The following ANKS1B variants were observed in gnomAD, a reference collection of about 807,000 sequenced individuals.
The protein encoded by ANKS1B is ankyrin repeat and sterile alpha motif domain containing 1B.
A neutral mutation model predicts 148.3 loss-of-function variants in ANKS1B; 36 were observed. The observed-to-expected ratio is 0.24, with a 90% CI of 0.19 to 0.32. The LOEUF (loss-of-function observed/expected upper bound fraction) is 0.32. ANKS1B is among the 10% of genes least tolerant of loss of function. The pLI, the probability that ANKS1B is intolerant of heterozygous loss-of-function variation, is 1.00. For synonymous variants in ANKS1B, 542 were observed against 560.8 expected, an observed-to-expected ratio of 0.97 and a Z score of 0.47; for missense variants, 1,157 against 1,542.6, an observed-to-expected ratio of 0.75 and a Z score of 4.19.
chr12:99,115,402 A>C (rs2153709616), intron 15 of ANKS1B, among the ~76,000 whole-genome samples: 1 of 152,336 alleles, frequency 6.6e-6, no homozygotes, highest in South Asian at 2.1e-4. Context: ...CTCATTTGTA[A>C]GTGGGAGCTA....
In ANKS1B at chr12:99,052,860, T is replaced by C. The variant is rs181748796; in HGVS notation, c.2778+297A>G. Among the ~76,000 whole-genome samples the C allele has an allele frequency of 3.2e-4, 48 of 152,064 alleles. No individual in the cohort carries two copies. In the East Asian group the frequency reaches 8.5e-3, roughly 27 times the overall value. On this transcript the variant is annotated intron_variant, in intron 17 of 26. Transcript: ENST00000683438. ...GCAAAGATCAGAATAGGAACCTATT[T>C]ATTATCATATCTATATCCTATAACT...
At chr12:99,134,000 T>G (rs1867238) in intron 15 of ANKS1B, among the ~76,000 whole-genome samples, 128,507 of 152,164 alleles carry the variant, frequency 0.84, 54,851 homozygotes, top group East Asian at 0.99. Context: ...CCTCGTAAGT[T>G]TCAGGGCTGG....
intron 12 of ANKS1B, among the ~76,000 whole-genome samples, chr12:99,370,039 T>A (rs4385983): frequency 6.6e-6 from 1 of 151,866 alleles, no homozygotes; most frequent in Non-Finnish European, 1.5e-5. Flanking sequence ...TGAGATACGA[T>A]AGAACATAAA....
chr12:99,277,135 T>C (rs2077773228), intron 12 of ANKS1B, among the ~76,000 whole-genome samples: 1 of 152,230 alleles, frequency 6.6e-6, no homozygotes, highest in African/African-American at 2.4e-5. Context: ...GTTATTTTGA[T>C]GTATTAAAAA....
intron 11 of ANKS1B, among the ~76,000 whole-genome samples, chr12:99,415,420 A>T (rs2094865152): frequency 6.6e-6 from 1 of 152,216 alleles, no homozygotes; most frequent in African/African-American, 2.4e-5. Context: ...CTGAACAGCT[A>T]AAATAGGAAG....
At chr12:99,799,558 A>G (rs1205096064) in intron 4 of ANKS1B, among the ~76,000 whole-genome samples, 1 of 152,146 alleles carries the variant, frequency 6.6e-6, no homozygotes, top group Non-Finnish European at 1.5e-5. Flanking sequence ...CCTGGAGCAT[A>G]GTGCCTGGTA....
chr12:99,225,697 C>T (rs2085816814), intron 14 of ANKS1B, among the ~76,000 whole-genome samples: 1 of 152,246 alleles, frequency 6.6e-6, no homozygotes, highest in Non-Finnish European at 1.5e-5. Flanking sequence ...CAACAGACTC[C>T]AGGTTCTTCA....
In ANKS1B at chr12:99,246,562, C is replaced by G. The variant is rs749689862; in HGVS notation, c.2059G>C (p.Val687Leu). ...CCACTCCTGGTTGATCTTGTGCCAACAATGGTATGGTTTTCGAGTTGGTTG... is the reference window on the plus strand; with the variant it reads ...CCACTCCTGGTTGATCTTGTGCCAAGAATGGTATGGTTTTCGAGTTGGTTG... Reference protein sequence around the residue: ...KSNQLENHTIVGTRSTRSGSR... With the variant: ...KSNQLENHTILGTRSTRSGSR... The change falls in exon 13 of 27, where the codon GTT (valine) becomes CTT (leucine). Residue 687 changes from valine (V) to leucine (L), a missense_variant. Around this residue, in one of 6 missense-constraint regions of ANKS1B, gnomAD observed 661 missense variants for 642.1 expected, o/e 1.03. Coordinates refer to ENST00000683438, the MANE Select transcript of ANKS1B (RefSeq NM_001352186.2). The G allele has an allele frequency of 6.2e-7, 1 of 1,613,836 alleles. No homozygotes were observed. Among genetic ancestry groups the G allele is most frequent in the South Asian group, 1.1e-5 (1 of 91,074 alleles).
chr12:99,825,070 CT>C (rs373873002), intron 2 of ANKS1B, among the ~76,000 whole-genome samples: 1 of 152,164 alleles, frequency 6.6e-6, no homozygotes, highest in South Asian at 2.1e-4. Context: ...TTTTTCCATT[CT>C]CCCAGTGTGA....
intron 15 of ANKS1B, among the ~76,000 whole-genome samples, chr12:99,121,094 CT>C (rs1047797939): frequency 0.013 from 1,891 of 142,378 alleles, 30 homozygotes; most frequent in South Asian, 0.051. Context: ...AAAATTTAGA[CT>C]TTTTTTTTTT....
chr12:99,552,880 A>G (rs1011001723), intron 9 of ANKS1B, among the ~76,000 whole-genome samples: 6 of 152,226 alleles, frequency 3.9e-5, no homozygotes, highest in African/African-American at 1.4e-4. Flanking sequence ...TAGTTGTTAT[A>G]CTATATTGTT....
chr12:99,567,775 C>T (rs1016072097), intron 9 of ANKS1B, among the ~76,000 whole-genome samples: 11 of 152,070 alleles, frequency 7.2e-5, no homozygotes, highest in African/African-American at 2.7e-4. Flanking sequence ...GAAGGCTTTC[C>T]TAAAAAAATT....
rs2095588460 is a variant in ANKS1B at position 99,443,778 on chromosome 12, T to C, written c.1470A>G (p.Pro490=). The C allele has an allele frequency of 1.2e-6, 2 of 1,611,410 alleles. No individual in the cohort carries two copies. Residue 490 remains proline, a synonymous_variant, in exon 11 of 27, where the codon CCA becomes CCG. Transcript: ENST00000683438. The part of the protein sequence containing the change: ...DNASEVAVTT[P]GTSNHRNSST... ...AGCTGTTTCTATGGTTACTAGTTCCTGGAGTAGTAACTGCTACCTCAGAGG... is the reference window on the plus strand; with the variant it reads ...AGCTGTTTCTATGGTTACTAGTTCCCGGAGTAGTAACTGCTACCTCAGAGG...
At chr12:99,169,838 C>A (rs1180937141) in intron 14 of ANKS1B, among the ~76,000 whole-genome samples, 1 of 152,114 alleles carries the variant, frequency 6.6e-6, no homozygotes, top group Non-Finnish European at 1.5e-5. Context: ...AAAACTTGAA[C>A]CCTAAGTAGC....
At chr12:99,229,867 C>A (rs1166523392) in intron 14 of ANKS1B, among the ~76,000 whole-genome samples, 1 of 151,928 alleles carries the variant, frequency 6.6e-6, no homozygotes, top group Non-Finnish European at 1.5e-5. Context: ...TGGTTTCTAG[C>A]TTTATTGTGA....
intron 15 of ANKS1B, among the ~76,000 whole-genome samples, chr12:99,147,662 A>C (rs936260072): frequency 6.6e-6 from 1 of 152,138 alleles, no homozygotes; most frequent in African/African-American, 2.4e-5. Flanking sequence ...GTAGCTGGAC[A>C]GCACTGGGAA....
intron 9 of ANKS1B, among the ~76,000 whole-genome samples, chr12:99,529,486 C>G (rs927477599): frequency 2.0e-5 from 3 of 152,086 alleles, no homozygotes; most frequent in Non-Finnish European, 2.9e-5. Flanking sequence ...AATGCTGTCT[C>G]TACTAAAAAT....
At chr12:99,599,954 T>C (rs967312035) in intron 9 of ANKS1B, among the ~76,000 whole-genome samples, 20 of 151,336 alleles carry the variant, frequency 1.3e-4, no homozygotes, top group African/African-American at 4.8e-4. Flanking sequence ...AATAAGTCAG[T>C]GTTAGTAGAA....
chr12:99,005,263 G>A (rs919312903), intron 17 of ANKS1B, among the ~76,000 whole-genome samples: 4 of 152,190 alleles, frequency 2.6e-5, no homozygotes, highest in East Asian at 1.9e-4. Flanking sequence ...ACTGCAGTGC[G>A]CTAGGAAGGG....
Sources: allele counts gnomAD v4.1 joint callset (sites outside exome capture counted in the v4.1 genomes callset), GRCh38; gene constraint gnomAD v4.1.1; regional missense constraint gnomAD v4.1.1; transcripts MANE v1.5; gene names NCBI Gene and HGNC (gene_info 2026-07-23, HGNC 2026-07-21).